The following NLRP1 variants were observed in gnomAD, a reference collection of about 807,000 sequenced individuals.
The protein encoded by NLRP1 is NLR family pyrin domain containing 1.
NLRP1 carries 94 observed loss-of-function variants against 136.7 expected under a neutral mutation model. That is an observed-to-expected ratio of 0.69 (90% CI 0.58 to 0.82). NLRP1 has a LOEUF of 0.82. Among genes scored for constraint, NLRP1 ranks in the 40% least tolerant of loss-of-function variants. NLRP1 has a pLI of 0.00. For missense variants in NLRP1, 1,575 were observed against 1,802.7 expected (o/e 0.87, Z 2.29); for synonymous variants, 690 against 725.1 (o/e 0.95, Z 0.78).
chr17:5,581,359 GTT>G lies in NLRP1; in HGVS notation c.652+498_652+499del, dbSNP rs1324382810. 4.6e-5 allele frequency among the ~76,000 whole-genome samples: 7 copies of G among 152,142 alleles called. No individual in the cohort carries two copies. The East Asian group carries it at 1.3e-3, about 29-fold the overall frequency. Reference sequence around the variant, plus strand: ...TGTGAGACTATCTTTTTAATCCTTGGTTTTCTCATCTCCAGGGTATGATAATA... The same window carrying G: ...TGTGAGACTATCTTTTTAATCCTTGGTTCTCATCTCCAGGGTATGATAATA... On this transcript the variant is annotated intron_variant, in intron 3 of 16. Transcript: ENST00000572272.
downstream of NLRP1, among the ~76,000 whole-genome samples, chr17:5,510,067 C>CT (rs1352403172): frequency 5.3e-5 from 7 of 130,922 alleles, no homozygotes; most frequent in East Asian, 2.3e-4. Flanking sequence ...TTCTATTCTT[C>CT]TTCTTCTTTT....
rs139838316 is a variant in NLRP1, at chr17:5,517,359, C to CA, written c.4057+386_4057+387insT. Among the ~76,000 whole-genome samples, 89 of 107,872 alleles carry CA rather than the reference C, an allele frequency of 8.3e-4. 20 individuals are homozygous for CA. Among genetic ancestry groups the CA allele is most frequent in the Admixed American group, 4.0e-3 (45 of 11,378 alleles). 70.8% of individuals were successfully genotyped at this position (107,872 alleles called of 152,430 possible). A position where few individuals can be genotyped will look rare whatever the true frequency, so the allele number is the denominator to read the frequency against. On this transcript the variant is annotated intron_variant, in intron 15 of 16. Transcript: ENST00000572272. Reference sequence around the variant, plus strand: ...TGATAGTGCACTCTGCACCCCCCCCCCTCCCACATACACAGACTTTCTTCC... The same window carrying CA: ...TGATAGTGCACTCTGCACCCCCCCCCACTCCCACATACACAGACTTTCTTCC...
intron 5 of NLRP1, among the ~76,000 whole-genome samples, chr17:5,547,515 C>A (rs1187479976): frequency 6.6e-6 from 1 of 152,198 alleles, no homozygotes; most frequent in Non-Finnish European, 1.5e-5. Flanking sequence ...AAATAGTTGT[C>A]CCTGCTCTGC....
At chr17:5,547,384 T>C (rs967520587) in intron 5 of NLRP1, among the ~76,000 whole-genome samples, 8 of 152,192 alleles carry the variant, frequency 5.3e-5, no homozygotes, top group African/African-American at 9.6e-5. Context: ...AACTGAAACT[T>C]GCTAAAGAAA....
At chr17:5,532,789 C>T in intron 11 of NLRP1, 33 bp downstream of exon 11, 2 of 1,549,116 alleles carry the variant, frequency 1.3e-6, no homozygotes, top group Non-Finnish European at 1.7e-6. Context: ...GTGCGGGAGG[C>T]CAGCCTGGGA....
At chr17:5,511,562 G>A (rs997540415), downstream of NLRP1, among the ~76,000 whole-genome samples, 12 of 152,144 alleles carry the variant, frequency 7.9e-5, no homozygotes, top group Non-Finnish European at 1.8e-4. Context: ...GGGGCTCGCT[G>A]CCATGGAGAC....
intron 3 of NLRP1, among the ~76,000 whole-genome samples, chr17:5,566,154 C>G (rs1915308820): frequency 6.6e-6 from 1 of 151,526 alleles, no homozygotes; most frequent in Non-Finnish European, 1.5e-5. Context: ...TGTATTTTTT[C>G]TTTTTAATTT....
chr17:5,568,853 C>T (rs1363310704), intron 3 of NLRP1, among the ~76,000 whole-genome samples: 1 of 152,106 alleles, frequency 6.6e-6, no homozygotes, highest in African/African-American at 2.4e-5. Context: ...ATCTAGGTTA[C>T]CAGGCAGAGA....
intron 2 of NLRP1, among the ~76,000 whole-genome samples, chr17:5,582,399 T>C (rs1157495766): frequency 2.0e-5 from 3 of 152,032 alleles, no homozygotes; most frequent in African/African-American, 4.8e-5. Flanking sequence ...ATGTCACGAG[T>C]TGGGCACCCA....
chr17:5,547,587 T>C (rs530498146), intron 5 of NLRP1, among the ~76,000 whole-genome samples: 1 of 152,278 alleles, frequency 6.6e-6, no homozygotes, highest in East Asian at 1.9e-4. Flanking sequence ...TTGTTTGGGT[T>C]TGAGATAGTG....
intron 12 of NLRP1, among the ~76,000 whole-genome samples, chr17:5,528,441 C>T (rs1318856665): frequency 1.3e-5 from 2 of 152,160 alleles, no homozygotes; most frequent in Non-Finnish European, 2.9e-5. Flanking sequence ...CTAGGGAATG[C>T]CCATATGACC....
chr17:5,529,662 G>T (rs79338441), intron 12 of NLRP1, among the ~76,000 whole-genome samples: 8 of 151,914 alleles, frequency 5.3e-5, no homozygotes, highest in African/African-American at 1.9e-4. Flanking sequence ...CACTGCGCCC[G>T]GCCTTGTTTT....
At chr17:5,570,756 T>C (rs954231466) in intron 3 of NLRP1, among the ~76,000 whole-genome samples, 2 of 152,098 alleles carry the variant, frequency 1.3e-5, no homozygotes, top group African/African-American at 4.8e-5. Context: ...TTAGGTATCA[T>C]TCTATGAGTT....
At chr17:5,551,447 C>T (rs1179429109) in intron 5 of NLRP1, among the ~76,000 whole-genome samples, 1 of 152,212 alleles carries the variant, frequency 6.6e-6, no homozygotes, top group Non-Finnish European at 1.5e-5. Flanking sequence ...GGGCAGCTTG[C>T]TTCCAAGTTT....
chr17:5,511,205 C>T (rs530249839), downstream of NLRP1, among the ~76,000 whole-genome samples: 8 of 151,948 alleles, frequency 5.3e-5, no homozygotes, highest in South Asian at 4.2e-4. Context: ...CCGAGGCGGG[C>T]GGATCACTTG....
downstream of NLRP1, among the ~76,000 whole-genome samples, chr17:5,510,987 A>G (rs2151729415): frequency 6.6e-6 from 1 of 152,274 alleles, no homozygotes; most frequent in South Asian, 2.1e-4. Context: ...GAGCTCACCT[A>G]GTCAAACAAC....
intron 6 of NLRP1, among the ~76,000 whole-genome samples, chr17:5,540,380 C>G (rs1455645882): frequency 1.3e-5 from 2 of 152,182 alleles, no homozygotes; most frequent in Non-Finnish European, 1.5e-5. Context: ...TGTAGGCTCT[C>G]TCTGGGGGTT....
At chr17:5,507,461 G>A (rs929381504) in intron 15 of NLRP1, among the ~76,000 whole-genome samples, 7 of 152,230 alleles carry the variant, frequency 4.6e-5, no homozygotes, top group Non-Finnish European at 1.0e-4. Context: ...CTGGGAGGCC[G>A]AGGTGGGCAG....
At chr17:5,563,693 A>G (rs540366816) in intron 3 of NLRP1, among the ~76,000 whole-genome samples, 2 of 152,320 alleles carry the variant, frequency 1.3e-5, no homozygotes, top group Admixed American at 1.3e-4. Context: ...AACTTGGAAA[A>G]CGTATTTGAA....
Sources: allele counts gnomAD v4.1 joint callset (sites outside exome capture counted in the v4.1 genomes callset), GRCh38; gene constraint gnomAD v4.1.1; transcripts MANE v1.5; gene names NCBI Gene and HGNC (gene_info 2026-07-23, HGNC 2026-07-21).